The following KIF20B variants were observed in gnomAD, a reference collection of about 807,000 sequenced individuals.
KIF20B encodes the protein kinesin family member 20B, also known as kinesin-like protein KIF20B.
In KIF20B, 188 loss-of-function variants were observed where a neutral mutation model predicts 232.5. That is an observed-to-expected ratio of 0.81 (90% CI 0.72 to 0.91). KIF20B has a LOEUF of 0.91. Ranked by LOEUF, KIF20B falls within the 40% of genes least tolerant of loss-of-function variation. KIF20B has a pLI of 0.00. For missense variants in KIF20B, 2,154 were observed against 2,055.9 expected, an observed-to-expected ratio of 1.05 and a Z score of -0.92; for synonymous variants, 712 against 683.0, an observed-to-expected ratio of 1.04 and a Z score of -0.66.
In KIF20B at chr10:89,726,508, AAAG is replaced by A; in HGVS notation, c.2219_2221del (p.Lys740del). ...TAATCAAAACCAAAGAAGAGTTAAA[AAAG>A]AGAGAAAATGGTAAGTGGATACATT... On this transcript the variant is annotated inframe_deletion, in exon 16 of 33. Transcript: ENST00000371728. 2 of 1,589,578 alleles carry A rather than the reference AAAG, an allele frequency of 1.3e-6. No individual in the cohort carries two copies. Among genetic ancestry groups the A allele is most frequent in the South Asian group, 1.1e-5 (1 of 87,044 alleles).
At chr10:89,762,477 AAGT>A (rs1422925975) in intron 28 of KIF20B, among the ~76,000 whole-genome samples, 158 bp from the exon 29 acceptor site, 1 of 152,204 alleles carries the variant, frequency 6.6e-6, no homozygotes, top group Non-Finnish European at 1.5e-5. Flanking sequence ...AGCCTGAAGA[AAGT>A]AGATGATTGC....
At chr10:89,747,467 C>T (rs1841937930) in intron 23 of KIF20B, among the ~76,000 whole-genome samples, 1 of 151,798 alleles carries the variant, frequency 6.6e-6, no homozygotes, top group African/African-American at 2.4e-5. Context: ...TTCACAATAG[C>T]AAAGACTTGG....
chr10:89,718,241 C>T (rs1333783819), intron 11 of KIF20B, among the ~76,000 whole-genome samples: 1 of 151,090 alleles, frequency 6.6e-6, no homozygotes, highest in Non-Finnish European at 1.5e-5. Flanking sequence ...TTAAAACAAA[C>T]AGCCAGGCAT....
intron 29 of KIF20B, among the ~76,000 whole-genome samples, chr10:89,763,335 ATT>A (rs1842284680): frequency 6.6e-6 from 1 of 152,164 alleles, no homozygotes; most frequent in Non-Finnish European, 1.5e-5. Context: ...AGCTATGTAT[ATT>A]AAAAGATATA....
At chr10:89,766,476 G>T (rs937954174) in intron 29 of KIF20B, 3 of 152,122 alleles carry the variant, frequency 2.0e-5, no homozygotes, top group Non-Finnish European at 4.4e-5. Context: ...ATACAGAGAA[G>T]TGCTTAAAGG....
Position 89,754,515 on chromosome 10 carries a change from C to T in KIF20B, c.4348-3C>T, listed in dbSNP as rs1842081351. ...TAATAACTTATACCATTTATATATA[C>T]AGGAGTCTGAACAGAAATATAATGC... On this transcript the variant is annotated splice_polypyrimidine_tract_variant and splice_region_variant and intron_variant, in intron 25 of 32. Coordinates refer to ENST00000371728, the MANE Select transcript of KIF20B (RefSeq NM_001284259.2). The T allele has an allele frequency of 4.5e-6, 7 of 1,564,648 alleles. No individual in the cohort carries two copies. The Admixed American group carries it at 9.3e-5, about 21-fold the overall frequency.
chr10:89,757,040 G>GTGTATA (rs1301847520), intron 26 of KIF20B, among the ~76,000 whole-genome samples: 3,217 of 110,480 alleles, frequency 0.029, 72 homozygotes, highest in East Asian at 0.04. Flanking sequence ...GTGTGTGTGT[G>GTGTATA]TATATATATA....
intron 26 of KIF20B, among the ~76,000 whole-genome samples, 177 bp downstream of exon 26, chr10:89,754,850 TTTAAC>T (rs1205311641): frequency 6.6e-6 from 1 of 152,246 alleles, no homozygotes; most frequent in African/African-American, 2.4e-5. Context: ...ATGTTCTTGT[TTTAAC>T]TTGTTTCAGT....
At chr10:89,727,802 A>G (rs1178484722) in intron 16 of KIF20B, 54 bp from the exon 17 acceptor site, 5 of 1,419,106 alleles carry the variant, frequency 3.5e-6, no homozygotes, top group Middle Eastern at 1.8e-4. Flanking sequence ...TTATTCAGTG[A>G]TACATATTTT....
intron 29 of KIF20B, among the ~76,000 whole-genome samples, chr10:89,764,117 A>G (rs1397596991): frequency 1.4e-5 from 2 of 138,598 alleles, no homozygotes; most frequent in Non-Finnish European, 3.0e-5. Context: ...CCATTGTTCA[A>G]TTCCCACCTA....
chr10:89,721,842 A>G (rs1843065181), intron 13 of KIF20B, among the ~76,000 whole-genome samples: 1 of 152,320 alleles, frequency 6.6e-6, no homozygotes, highest in Non-Finnish European at 1.5e-5. Context: ...TTGACTAAAT[A>G]TTTTAAGGAA....
In KIF20B at chr10:89,725,559, G is replaced by C. The variant is rs533132510; in HGVS notation, c.2001+401G>C. Among the ~76,000 whole-genome samples the C allele has an allele frequency of 3.9e-5, 6 of 152,180 alleles. No homozygotes were observed. In the East Asian group the frequency reaches 7.7e-4, roughly 20 times the overall value. On this transcript the variant is annotated intron_variant, in intron 15 of 32. Transcript: ENST00000371728. ...TTTATGTATAAAAAGGGTTGCCCTTGCCGGGCAACTACCGTTTCTTACTCT... is the reference window on the plus strand; with the variant it reads ...TTTATGTATAAAAAGGGTTGCCCTTCCCGGGCAACTACCGTTTCTTACTCT...
At chr10:89,767,757 C>G (rs1476216653) in intron 29 of KIF20B, among the ~76,000 whole-genome samples, 2 of 151,904 alleles carry the variant, frequency 1.3e-5, no homozygotes, top group East Asian at 3.9e-4. Flanking sequence ...TTTGAAGTTT[C>G]GTTTTTATTT....
At position 89,709,455 on chromosome 10, in the gene KIF20B, T is replaced by C. The variant is rs1253069313; in HGVS notation, c.345T>C (p.Phe115=). The change falls in exon 4 of 33, where the codon TTT becomes TTC. Residue 115 remains phenylalanine, a synonymous_variant. Coordinates refer to ENST00000371728, the MANE Select transcript of KIF20B (RefSeq NM_001284259.2). ...SSGQMAQKFS[F]SKVFGPATTQ... ...GGCAGATGGCACAGAAATTCAGTTT[T>C]TCCAAGGTAAAACTGAAGTGTTTTT... The C allele has an allele frequency of 6.2e-7, 1 of 1,607,270 alleles. No homozygotes were observed. Among genetic ancestry groups the C allele is most frequent in the African/African-American group, 1.3e-5 (1 of 74,686 alleles).
At chr10:89,762,972 T>G (rs1842277259) in intron 29 of KIF20B, 137 bp downstream of exon 29, 2 of 650,640 alleles carry the variant, frequency 3.1e-6, no homozygotes, top group African/African-American at 3.6e-5. Flanking sequence ...TTATGCTATA[T>G]TTTATACCCT....
At chr10:89,704,998 A>G (rs1257247610) in intron 1 of KIF20B, among the ~76,000 whole-genome samples, 2 of 152,210 alleles carry the variant, frequency 1.3e-5, no homozygotes, top group Non-Finnish European at 2.9e-5. Context: ...TTTCACGGAG[A>G]GAGTAAATAT....
At chr10:89,747,821 T>G (rs1208961344) in intron 23 of KIF20B, among the ~76,000 whole-genome samples, 2 of 151,894 alleles carry the variant, frequency 1.3e-5, no homozygotes, top group Non-Finnish European at 2.9e-5. Flanking sequence ...CACCAGCATG[T>G]CACATGTATA....
Position 89,748,640 on chromosome 10 carries a change from A to C in KIF20B, c.4096+2681A>C, listed in dbSNP as rs563408646. On this transcript the variant is annotated intron_variant, in intron 23 of 32. Transcript: ENST00000371728. Reference sequence around the variant, plus strand: ...GCCTTTCTTAGGCCTTGTCACCCTAACATCTCCTATTTCATAGGAAATAGT... The same window carrying C: ...GCCTTTCTTAGGCCTTGTCACCCTACCATCTCCTATTTCATAGGAAATAGT... 1.3e-3 allele frequency among the ~76,000 whole-genome samples: 196 copies of C among 152,218 alleles called. 1 individual carries two copies. The highest frequency in any genetic ancestry group is 3.4e-3 in the Middle Eastern group (1 of 294).
intron 15 of KIF20B, among the ~76,000 whole-genome samples, chr10:89,725,890 A>AC (rs1843177525): frequency 2.0e-5 from 3 of 152,114 alleles, no homozygotes; most frequent in Non-Finnish European, 4.4e-5. Flanking sequence ...TGATGTCCAG[A>AC]CGTCTGCTGT....
Sources: gnomAD v4.1 joint callset for allele counts (sites outside exome capture counted in the v4.1 genomes callset) on GRCh38, gnomAD v4.1.1 for gene constraint, MANE v1.5 for transcripts, NCBI Gene and HGNC (gene_info 2026-07-23, HGNC 2026-07-21) for gene names.